Variants in DLG1 observed in about 807,000 individuals in gnomAD.
The protein encoded by DLG1 is discs large MAGUK scaffold protein 1.
In DLG1, 42 loss-of-function variants were observed where a neutral mutation model predicts 123.4. The ratio of observed to expected loss-of-function variants is 0.34; its 90% confidence interval spans 0.27 to 0.44. The LOEUF is 0.44. Among genes scored for constraint, DLG1 ranks in the 20% least tolerant of loss-of-function variants. DLG1 has a pLI of 1.00. For synonymous variants in DLG1, 317 were observed against 356.2 expected (o/e 0.89, Z 1.24); for missense variants, 942 against 1,082.6 (o/e 0.87, Z 1.82).
intron 4 of DLG1, among the ~76,000 whole-genome samples, chr3:197,224,352 C>G (rs983023939): frequency 6.6e-6 from 1 of 151,970 alleles, no homozygotes; most frequent in Admixed American, 6.6e-5. Flanking sequence ...ATCTTATATA[C>G]ATAAGATGTT....
At position 197,287,453 on chromosome 3, in the gene DLG1, G is replaced by GT. The variant is rs2308110; in HGVS notation, c.152-4609dup. The stretch of plus-strand genomic sequence containing the variant: ...TAGAGCATTGGGAATGTTTCCAAAC[G>GT]TATTAAGGGCAGAAAGCAGTATATT... On this transcript the variant is annotated intron_variant, in intron 3 of 24. Coordinates refer to ENST00000667157, the MANE Select transcript of DLG1 (RefSeq NM_001366207.1). Among the ~76,000 whole-genome samples, 504 of 151,976 alleles carry GT rather than the reference G, an allele frequency of 3.3e-3. 3 individuals are homozygous for GT. The highest frequency in any genetic ancestry group is 0.011 in the African/African-American group (465 of 41,404).
At chr3:197,240,766 C>T (rs1748426722) in intron 4 of DLG1, among the ~76,000 whole-genome samples, 1 of 105,890 alleles carries the variant, frequency 9.4e-6, no homozygotes, top group African/African-American at 3.1e-5. Context: ...CTGAGAAATA[C>T]ACTTGCTGAA....
In DLG1 at chr3:197,056,425, T is replaced by C. The variant is rs181145087; in HGVS notation, c.2483+3464A>G. Among the ~76,000 whole-genome samples the C allele has an allele frequency of 2.6e-5, 4 of 152,368 alleles. No individual in the cohort carries two copies. The East Asian group carries it at 7.7e-4, about 29-fold the overall frequency. Reference sequence around the variant, plus strand: ...GTCATAATTAAGACTGACTTTATCATTTTCCTTTCCTATATAGTCCCTTCC... The same window carrying C: ...GTCATAATTAAGACTGACTTTATCACTTTCCTTTCCTATATAGTCCCTTCC... On this transcript the variant is annotated intron_variant, in intron 23 of 24. Coordinates refer to ENST00000667157, the MANE Select transcript of DLG1 (RefSeq NM_001366207.1).
At chr3:197,168,285 A>C (rs926488111) in intron 5 of DLG1, among the ~76,000 whole-genome samples, 1 of 152,242 alleles carries the variant, frequency 6.6e-6, no homozygotes, top group Non-Finnish European at 1.5e-5. Flanking sequence ...CTCTTCCTTA[A>C]GGCCAACACC....
At chr3:197,215,806 T>C (rs1053907473) in intron 4 of DLG1, among the ~76,000 whole-genome samples, 1 of 152,154 alleles carries the variant, frequency 6.6e-6, no homozygotes, top group Admixed American at 6.5e-5. Flanking sequence ...ATTACTGAGT[T>C]GGGAAGGAAT....
At chr3:197,133,683 G>A (rs995915666) in intron 10 of DLG1, among the ~76,000 whole-genome samples, 1 of 152,198 alleles carries the variant, frequency 6.6e-6, no homozygotes, top group African/African-American at 2.4e-5. Flanking sequence ...TAGTAAAAAG[G>A]AGAAAATGGA....
At chr3:197,129,565 C>G (rs1464120222) in intron 11 of DLG1, among the ~76,000 whole-genome samples, 1 of 152,188 alleles carries the variant, frequency 6.6e-6, no homozygotes, top group East Asian at 1.9e-4. Context: ...TAATTTTCTT[C>G]AAGAACTTTT....
At chr3:197,113,808 A>C (rs563000512) in intron 13 of DLG1, among the ~76,000 whole-genome samples, 1 of 152,148 alleles carries the variant, frequency 6.6e-6, no homozygotes, top group Non-Finnish European at 1.5e-5. Flanking sequence ...TAGGTAAGGT[A>C]TAGATAAGAT....
At chr3:197,125,462 A>G (rs7635973) in intron 11 of DLG1, among the ~76,000 whole-genome samples, 20,278 of 152,120 alleles carry the variant, frequency 0.13, 1,903 homozygotes, top group African/African-American at 0.26. Flanking sequence ...AACATGAGAA[A>G]CCATGGAATC....
chr3:197,246,731 G>C (rs1448925993), intron 4 of DLG1, among the ~76,000 whole-genome samples: 1 of 152,194 alleles, frequency 6.6e-6, no homozygotes, highest in African/African-American at 2.4e-5. Context: ...GCAGCGCTAA[G>C]ACAGGAATAG....
At chr3:197,257,337 T>C (rs1452956962) in intron 4 of DLG1, among the ~76,000 whole-genome samples, 2 of 152,192 alleles carry the variant, frequency 1.3e-5, no homozygotes, top group African/African-American at 4.8e-5. Context: ...CCTAAAATTC[T>C]ATCAGTTATG....
chr3:197,073,996 T>A (rs1745707065), intron 18 of DLG1, among the ~76,000 whole-genome samples: 1 of 152,182 alleles, frequency 6.6e-6, no homozygotes, highest in African/African-American at 2.4e-5. Flanking sequence ...TTCCCTACAT[T>A]CTTAACTTCA....
intron 5 of DLG1, among the ~76,000 whole-genome samples, chr3:197,163,696 T>C (rs1416140346): frequency 2.8e-5 from 4 of 140,580 alleles, no homozygotes; most frequent in Non-Finnish European, 6.1e-5. Flanking sequence ...TATTTTTTTT[T>C]TTTTTTTTTT....
intron 13 of DLG1, among the ~76,000 whole-genome samples, chr3:197,113,307 ATTC>A (rs758351808): frequency 5.3e-5 from 8 of 152,092 alleles, no homozygotes; most frequent in African/African-American, 9.7e-5. Context: ...AAGAAATGAG[ATTC>A]TTCTTCTTTT....
intron 5 of DLG1, among the ~76,000 whole-genome samples, chr3:197,168,582 A>G (rs1285187086): frequency 2.6e-5 from 4 of 152,252 alleles, no homozygotes; most frequent in African/African-American, 9.6e-5. Context: ...AGATTCTAAC[A>G]TAAATAATGA....
intron 3 of DLG1, among the ~76,000 whole-genome samples, chr3:197,289,673 C>T (rs1344519305): frequency 6.6e-6 from 1 of 152,140 alleles, no homozygotes; most frequent in African/African-American, 2.4e-5. Context: ...CAGTGAAGGG[C>T]AGATGACATA....
At chr3:197,151,284 C>T (rs996328733) in intron 5 of DLG1, among the ~76,000 whole-genome samples, 7 of 152,102 alleles carry the variant, frequency 4.6e-5, no homozygotes, top group African/African-American at 1.7e-4. Context: ...GGCAAGAAAG[C>T]CTTTTGGTCC....
chr3:197,046,728 G>A (rs1723402199), intron 24 of DLG1, among the ~76,000 whole-genome samples: 1 of 152,020 alleles, frequency 6.6e-6, no homozygotes, highest in Non-Finnish European at 1.5e-5. Context: ...AAATTAGCTG[G>A]GCATGTTGGC....
chr3:197,073,505 C>T (rs527988448), intron 18 of DLG1, among the ~76,000 whole-genome samples: 2 of 152,260 alleles, frequency 1.3e-5, no homozygotes, highest in Admixed American at 6.5e-5. Flanking sequence ...GAAAGCGGCA[C>T]GGGTTTTTAT....
Sources: gnomAD v4.1 joint callset for allele counts (sites outside exome capture counted in the v4.1 genomes callset) on GRCh38, gnomAD v4.1.1 for gene constraint, MANE v1.5 for transcripts, NCBI Gene and HGNC (gene_info 2026-07-23, HGNC 2026-07-21) for gene names.